Variants in ARMC9 observed in about 807,000 individuals in gnomAD.
The protein encoded by ARMC9 is armadillo repeat containing 9.
A neutral mutation model predicts 107.0 loss-of-function variants in ARMC9; 94 were observed. The observed-to-expected ratio is 0.88, with a 90% confidence interval of 0.74 to 1.04. The LOEUF (loss-of-function observed/expected upper bound fraction) is 1.04. Ranked by LOEUF, ARMC9 falls within the 50% of genes least tolerant of loss-of-function variation. The pLI is 0.00. For missense variants in ARMC9, 942 were observed against 1,030.1 expected (o/e 0.91, Z 1.17); for synonymous variants, 380 against 396.9 (o/e 0.96, Z 0.51).
intron 6 of ARMC9, 81 bp from the exon 7 acceptor site, chr2:231,226,693 C>T (rs988346640): frequency 2.0e-6 from 3 of 1,501,268 alleles, no homozygotes; most frequent in African/African-American, 2.8e-5. Flanking sequence ...GAGGTGCTTT[C>T]TCACATTGGC....
Position 231,345,340 on chromosome 2 carries a change from G to C in ARMC9, c.1994+250G>C, listed in dbSNP as rs1367365660. 8.7e-6 allele frequency: 5 copies of C among 571,498 alleles called. No homozygotes were observed. The East Asian group carries it at 2.5e-4, about 29-fold the overall frequency. The allele number at this position is 571,498 out of a possible 1,614,324, so 35.4% of individuals were successfully genotyped here. A position where few individuals can be genotyped will look rare whatever the true frequency, so the allele number is the denominator to read the frequency against. ...GGGCCACTTCAGAAGACAAATGTTG[G>C]CCAGAGTAATTTCAAAAGAAGGGAC... is the stretch of plus-strand genomic sequence containing the variant. On this transcript the variant is annotated intron_variant, in intron 21 of 24. Transcript: ENST00000611582.
intron 11 of ARMC9, 113 bp downstream of exon 11, chr2:231,259,215 C>A: frequency 1.1e-6 from 1 of 918,946 alleles, no homozygotes; most frequent in Non-Finnish European, 1.6e-6. Context: ...TTCTTCCCCG[C>A]TGTCTGCTGA....
At chr2:231,371,097 A>T (rs1187028265) in intron 24 of ARMC9, 1 of 469,816 alleles carries the variant, frequency 2.1e-6, no homozygotes, top group Admixed American at 2.3e-5. Flanking sequence ...GGCGCAGAGG[A>T]GGTGCAGCAA....
At chr2:231,337,539 G>A (rs867173976) in intron 20 of ARMC9, among the ~76,000 whole-genome samples, 3,020 of 126,928 alleles carry the variant, frequency 0.024, 130 homozygotes, top group African/African-American at 0.095. Context: ...GCGGGATCTC[G>A]GCTCACTGCA....
chr2:231,345,896 A>G (rs1202906300), intron 21 of ARMC9, among the ~76,000 whole-genome samples: 4 of 152,216 alleles, frequency 2.6e-5, no homozygotes, highest in Non-Finnish European at 4.4e-5. Flanking sequence ...TTTTGTAATG[A>G]ACAACCAGGC....
intron 14 of ARMC9, among the ~76,000 whole-genome samples, chr2:231,274,582 G>A (rs1574905365): frequency 6.6e-6 from 1 of 152,240 alleles, no homozygotes; most frequent in East Asian, 1.9e-4. Flanking sequence ...GGGACATATG[G>A]TAATTTTTTC....
intron 7 of ARMC9, among the ~76,000 whole-genome samples, chr2:231,228,172 A>G (rs537443005): frequency 6.6e-6 from 1 of 152,282 alleles, no homozygotes; most frequent in Admixed American, 6.5e-5. Context: ...CTGGACTGGG[A>G]CTTTGGATCT....
chr2:231,326,820 G>A (rs904614111), intron 19 of ARMC9, among the ~76,000 whole-genome samples: 3 of 152,220 alleles, frequency 2.0e-5, no homozygotes, highest in Non-Finnish European at 4.4e-5. Flanking sequence ...AATGAAGACA[G>A]GGTACTCATT....
intron 17 of ARMC9, among the ~76,000 whole-genome samples, chr2:231,285,600 C>G (rs2040532685): frequency 1.3e-5 from 2 of 151,338 alleles, no homozygotes; most frequent in Non-Finnish European, 2.9e-5. Context: ...GAGCTGAGAT[C>G]ATGCCACTGG....
intron 19 of ARMC9, among the ~76,000 whole-genome samples, chr2:231,313,206 C>T (rs1276750793): frequency 6.6e-6 from 1 of 152,108 alleles, no homozygotes; most frequent in African/African-American, 2.4e-5. Context: ...CAGTGTTGAC[C>T]CTTTATCACC....
chr2:231,206,139 T>C, intron 1 of ARMC9, 59 bp from the exon 2 acceptor site: 1 of 1,050,236 alleles, frequency 9.5e-7, no homozygotes, highest in South Asian at 1.3e-5. Context: ...ACAACCACCT[T>C]TTTGTAGTTT....
At chr2:231,279,117 A>G (rs1399698299) in intron 16 of ARMC9, among the ~76,000 whole-genome samples, 1 of 152,120 alleles carries the variant, frequency 6.6e-6, no homozygotes, top group Non-Finnish European at 1.5e-5. Context: ...GACACTCATC[A>G]CTACTGGCTG....
At chr2:231,296,074 A>G (rs904313624) in intron 18 of ARMC9, 124 bp from the exon 19 acceptor site, 3 of 605,944 alleles carry the variant, frequency 5.0e-6, no homozygotes, top group Admixed American at 3.1e-5. Flanking sequence ...GGTTAGGAGC[A>G]TGATGACTTT....
Position 231,359,087 on chromosome 2 carries a change from T to G in ARMC9, c.2132-1667T>G, listed in dbSNP as rs548059475. Among the ~76,000 whole-genome samples, 53 of 145,904 alleles carry G rather than the reference T, an allele frequency of 3.6e-4. 3 individuals carry two copies. Among genetic ancestry groups the G allele is most frequent in the South Asian group, 1.5e-3 (7 of 4,536 alleles). ...CTTAGTTAGGGGGGTCTCCTGTTTT[T>G]TTTTTTTTTTTTTTTTGAGATGGAG... is the stretch of plus-strand genomic sequence containing the variant. On this transcript the variant is annotated intron_variant, in intron 22 of 24. Coordinates refer to ENST00000611582, the MANE Select transcript of ARMC9 (RefSeq NM_001352754.2).
chr2:231,327,052 C>T (rs2043371861), intron 19 of ARMC9, among the ~76,000 whole-genome samples: 1 of 152,142 alleles, frequency 6.6e-6, no homozygotes, highest in South Asian at 2.1e-4. Flanking sequence ...ATTTTTCCCT[C>T]CATAGCCAGC....
At chr2:231,226,193 G>A (rs1038489480) in intron 6 of ARMC9, among the ~76,000 whole-genome samples, 7 of 152,186 alleles carry the variant, frequency 4.6e-5, no homozygotes, top group African/African-American at 1.2e-4. Flanking sequence ...TATACAGTAC[G>A]TGAATAAAGC....
intron 12 of ARMC9, among the ~76,000 whole-genome samples, chr2:231,269,214 T>G (rs1439552195): frequency 6.6e-6 from 1 of 152,150 alleles, no homozygotes; most frequent in Non-Finnish European, 1.5e-5. Context: ...TATTGAGCAC[T>G]TTGTGGGCCC....
At chr2:231,229,701 T>C (rs576892495) in intron 7 of ARMC9, among the ~76,000 whole-genome samples, 1 of 152,276 alleles carries the variant, frequency 6.6e-6, no homozygotes, top group African/African-American at 2.4e-5. Context: ...CCAGTATCTG[T>C]GGATTAGCAA....
At chr2:231,303,113 A>T (rs553374728) in intron 19 of ARMC9, among the ~76,000 whole-genome samples, 4 of 152,372 alleles carry the variant, frequency 2.6e-5, no homozygotes, top group Non-Finnish European at 4.4e-5. Context: ...TAACAATCAG[A>T]TGTGCTAATG....
Sources: gnomAD v4.1 joint callset for allele counts (sites outside exome capture counted in the v4.1 genomes callset) on GRCh38, gnomAD v4.1.1 for gene constraint, MANE v1.5 for transcripts, NCBI Gene and HGNC (gene_info 2026-07-23, HGNC 2026-07-21) for gene names.